ADCY1: variants seen among roughly 807,000 people sequenced by gnomAD.
ADCY1 encodes adenylate cyclase type 1.
ADCY1 carries 28 observed loss-of-function variants against 105.4 expected under a neutral mutation model. The observed-to-expected ratio is 0.27, with a 90% CI of 0.20 to 0.36. ADCY1 has a LOEUF of 0.36. Among genes scored for constraint, ADCY1 ranks in the 10% least tolerant of loss-of-function variants. The pLI, the probability that ADCY1 is intolerant of heterozygous loss-of-function variation, is 1.00. For synonymous variants in ADCY1, 655 were observed against 623.8 expected (o/e 1.05, Z -0.75); for missense variants, 977 against 1,434.2 (o/e 0.68, Z 5.15).
intron 2 of ADCY1, among the ~76,000 whole-genome samples, chr7:45,601,505 G>T (rs1793239226): frequency 6.6e-6 from 1 of 152,000 alleles, no homozygotes; most frequent in African/African-American, 2.4e-5. Flanking sequence ...TCGCAGTACT[G>T]CCACAACTTT....
At chr7:45,670,196 C>A (rs774789695) in intron 8 of ADCY1, among the ~76,000 whole-genome samples, 2 of 152,194 alleles carry the variant, frequency 1.3e-5, no homozygotes, top group Non-Finnish European at 2.9e-5. Context: ...GGAGCTTCAC[C>A]TTCCTGTCCA....
intron 3 of ADCY1, among the ~76,000 whole-genome samples, chr7:45,610,778 G>A (rs1562687057): frequency 2.1e-5 from 3 of 139,646 alleles, no homozygotes; most frequent in South Asian, 2.4e-4. Context: ...TAGTGGAGGT[G>A]TGGGGGTGAT....
chr7:45,580,135 C>A (rs1367550718), intron 1 of ADCY1, among the ~76,000 whole-genome samples: 1 of 152,132 alleles, frequency 6.6e-6, no homozygotes, highest in Non-Finnish European at 1.5e-5. Flanking sequence ...TGAGTCTAGA[C>A]AAAAGAGAGG....
In ADCY1 at chr7:45,717,114, C is replaced by G. The variant is rs1785372192; in HGVS notation, c.*3119C>G. The stretch of plus-strand genomic sequence containing the variant: ...TGAGAAGAGAGCCAGCCACGCCATG[C>G]TGTGCCTGGGGTCCACAGAGCCGGG... On this transcript the variant is annotated 3_prime_UTR_variant, in exon 20 of 20. Coordinates refer to ENST00000297323, the MANE Select transcript of ADCY1 (RefSeq NM_021116.4). The G allele has an allele frequency of 6.6e-6, 1 of 152,272 alleles. No individual in the cohort carries two copies. Among genetic ancestry groups the G allele is most frequent in the Non-Finnish European group, 1.5e-5 (1 of 68,094 alleles). The allele number at this position is 152,272 out of a possible 1,614,324, so 9.4% of individuals were successfully genotyped here. A position where few individuals can be genotyped will look rare whatever the true frequency, so the allele number is the denominator to read the frequency against.
At chr7:45,658,665 T>C (rs1795006970) in intron 6 of ADCY1, among the ~76,000 whole-genome samples, 2 of 152,238 alleles carry the variant, frequency 1.3e-5, no homozygotes, top group Admixed American at 1.3e-4. Context: ...ATGCAGCCGC[T>C]GTCTTCATTG....
chr7:45,687,117 TG>T (rs1562724251), intron 14 of ADCY1, among the ~76,000 whole-genome samples: 1 of 152,000 alleles, frequency 6.6e-6, no homozygotes, highest in Non-Finnish European at 1.5e-5. Context: ...GGTCAGCAGG[TG>T]GGGGCTGGAC....
chr7:45,715,290 G>A lies in ADCY1; in HGVS notation c.*1295G>A, dbSNP rs1017366026. 1 of 152,548 alleles carries A rather than the reference G, an allele frequency of 6.6e-6. No homozygotes were observed. The highest frequency in any genetic ancestry group is 2.4e-5 in the African/African-American group (1 of 41,454). The allele number at this position is 152,548 out of a possible 1,614,324, so 9.4% of individuals were successfully genotyped here. A position where few individuals can be genotyped will look rare whatever the true frequency, so the allele number is the denominator to read the frequency against. The stretch of plus-strand genomic sequence containing the variant: ...CAGGGAGGAAGGCAGCTAGAAATGG[G>A]AGGGAAGCTTCTGGGTAGGCACCAT... On this transcript the variant is annotated 3_prime_UTR_variant, in exon 20 of 20. Transcript: ENST00000297323.
chr7:45,589,495 T>G (rs1253005720), intron 1 of ADCY1, among the ~76,000 whole-genome samples: 1 of 152,238 alleles, frequency 6.6e-6, no homozygotes, highest in Non-Finnish European at 1.5e-5. Context: ...ACAATTGCCT[T>G]GCCCCTGTGA....
chr7:45,623,032 G>A (rs1793941785), intron 4 of ADCY1, among the ~76,000 whole-genome samples: 1 of 152,222 alleles, frequency 6.6e-6, no homozygotes, highest in African/African-American at 2.4e-5. Flanking sequence ...CCATACGTAG[G>A]TACGGGTCTG....
intron 4 of ADCY1, among the ~76,000 whole-genome samples, chr7:45,641,754 G>A (rs1372045636): frequency 2.1e-5 from 3 of 145,098 alleles, no homozygotes; most frequent in African/African-American, 7.7e-5. Flanking sequence ...GTGAAACCCC[G>A]TCTCTACTAA....
At chr7:45,627,499 C>G (rs966765015) in intron 4 of ADCY1, among the ~76,000 whole-genome samples, 1 of 152,200 alleles carries the variant, frequency 6.6e-6, no homozygotes, top group Non-Finnish European at 1.5e-5. Context: ...GACCATGGAG[C>G]CTGGCACACA....
intron 4 of ADCY1, among the ~76,000 whole-genome samples, chr7:45,642,161 G>A (rs1794543546): frequency 6.6e-6 from 1 of 152,106 alleles, no homozygotes; most frequent in Admixed American, 6.5e-5. Context: ...CAGGTCATCA[G>A]CAGGCAGAAG....
intron 1 of ADCY1, among the ~76,000 whole-genome samples, chr7:45,582,933 C>T (rs73694809): frequency 8.1e-4 from 124 of 152,300 alleles, no homozygotes; most frequent in African/African-American, 2.9e-3. Flanking sequence ...TGGAACAATC[C>T]CATCTCCCTG....
chr7:45,662,517 T>A (rs1264096411), intron 8 of ADCY1, among the ~76,000 whole-genome samples: 1 of 152,200 alleles, frequency 6.6e-6, no homozygotes, highest in East Asian at 1.9e-4. Flanking sequence ...AGGGTATTCA[T>A]TCTGGACAGA....
chr7:45,625,255 A>G (rs572380786), intron 4 of ADCY1, among the ~76,000 whole-genome samples: 54 of 152,234 alleles, frequency 3.5e-4, no homozygotes, highest in Admixed American at 8.5e-4. Context: ...TCATGTTTCC[A>G]TGTTCCAAGT....
chr7:45,610,747 A>ATGGTGGAGGTTAGGAGG (rs1562686933), intron 3 of ADCY1, among the ~76,000 whole-genome samples: 3 of 128,120 alleles, frequency 2.3e-5, no homozygotes, highest in Non-Finnish European at 1.7e-5. Context: ...TGGGGAGGTG[A>ATGGTGGAGGTTAGGAGG]TGATGGAGGT....
chr7:45,644,318 C>T (rs73318993), intron 4 of ADCY1, among the ~76,000 whole-genome samples: 2,591 of 152,272 alleles, frequency 0.017, 60 homozygotes, highest in African/African-American at 0.05. Flanking sequence ...TTCTTCTAGA[C>T]GTTACCTCTG....
chr7:45,592,993 A>G, intron 2 of ADCY1, 85 bp downstream of exon 2: 1 of 1,552,234 alleles, frequency 6.4e-7, no homozygotes. Flanking sequence ...GCCTCAGTTT[A>G]CCCCGTGGTG....
Position 45,647,101 on chromosome 7 carries a change from C to A in ADCY1, c.1021-1569C>A, listed in dbSNP as rs760907689. Among the ~76,000 whole-genome samples, 1 of 152,242 alleles carries A rather than the reference C, an allele frequency of 6.6e-6. No individual in the cohort carries two copies. Among genetic ancestry groups the A allele is most frequent in the East Asian group, 1.9e-4 (1 of 5,194 alleles). On this transcript the variant is annotated intron_variant, in intron 4 of 19. Coordinates refer to ENST00000297323, the MANE Select transcript of ADCY1 (RefSeq NM_021116.4). This position sits in a 1 kb window ranked among gnomAD's most constrained non-coding sequence, Gnocchi z 4.6. ...CAGCGCCCCCTCCTCTGATGCTGGG[C>A]GGTGGCCAGGGCCATCTCTCAAGGT...
Sources: gnomAD v4.1 joint callset for allele counts (sites outside exome capture counted in the v4.1 genomes callset) on GRCh38, gnomAD v4.1.1 for gene constraint, Gnocchi (gnomAD v3.1) non-coding constraint, MANE v1.5 for transcripts, NCBI Gene and HGNC (gene_info 2026-07-23, HGNC 2026-07-21) for gene names.